The following MACROD2 variants were observed in gnomAD, a reference collection of about 807,000 sequenced individuals.
MACROD2 encodes mono-ADP ribosylhydrolase 2.
A neutral mutation model predicts 70.4 loss-of-function variants in MACROD2; 36 were observed. That is an observed-to-expected ratio of 0.51 (90% CI 0.39 to 0.68). The LOEUF (loss-of-function observed/expected upper bound fraction) is 0.68, where lower values mean the gene tolerates loss of function less well. Ranked by LOEUF, MACROD2 falls within the 30% of genes least tolerant of loss-of-function variation. MACROD2 has a pLI of 0.00. For missense variants in MACROD2, 496 were observed against 538.4 expected, an observed-to-expected ratio of 0.92 and a Z score of 0.78; for synonymous variants, 172 against 178.8, an observed-to-expected ratio of 0.96 and a Z score of 0.30.
rs1300059378 is a variant in MACROD2, at chr20:14,334,930, G to A, written c.272-158549G>A. Among the ~76,000 whole-genome samples the A allele has an allele frequency of 2.0e-5, 3 of 151,992 alleles. No individual in the cohort carries two copies. In the East Asian group the frequency reaches 5.8e-4, roughly 29 times the overall value. ...TATAGCCCACCCACCTTAAAAAGAG[G>A]CATAGAAGTTAAGAAATGACTGAAA... On this transcript the variant is annotated intron_variant, in intron 3 of 17. Transcript: ENST00000684519.
intron 4 of MACROD2, among the ~76,000 whole-genome samples, chr20:14,588,686 A>C (rs1452495119): frequency 6.6e-6 from 1 of 151,396 alleles, no homozygotes; most frequent in Non-Finnish European, 1.5e-5. Context: ...CTTGTCTTGA[A>C]CTCATGACCT....
intron 8 of MACROD2, among the ~76,000 whole-genome samples, chr20:15,675,362 G>A (rs201214): frequency 0.11 from 16,327 of 152,106 alleles, 2,105 homozygotes; most frequent in African/African-American, 0.32. Flanking sequence ...TCCCTACATT[G>A]CTGACAGCCT....
At chr20:14,567,640 T>A (rs1376374239) in intron 4 of MACROD2, among the ~76,000 whole-genome samples, 1 of 152,060 alleles carries the variant, frequency 6.6e-6, no homozygotes, top group Non-Finnish European at 1.5e-5. Context: ...ATTTTGATGG[T>A]TGGCTCCTCC....
intron 6 of MACROD2, among the ~76,000 whole-genome samples, chr20:15,256,773 C>T (rs986113343): frequency 6.6e-6 from 1 of 151,930 alleles, no homozygotes; most frequent in African/African-American, 2.4e-5. Context: ...ATATGGTATA[C>T]TTGGATTTAT....
At chr20:14,178,509 C>T (rs1016607035) in intron 3 of MACROD2, among the ~76,000 whole-genome samples, 1 of 152,022 alleles carries the variant, frequency 6.6e-6, no homozygotes, top group African/African-American at 2.4e-5. Flanking sequence ...GTGTTCTGCT[C>T]ATTTGTGAGA....
chr20:15,923,221 A>G (rs1421312475), intron 10 of MACROD2, among the ~76,000 whole-genome samples: 1 of 152,200 alleles, frequency 6.6e-6, no homozygotes, highest in Non-Finnish European at 1.5e-5. Context: ...AAAAGGTTTA[A>G]TTTGACTTAC....
intron 8 of MACROD2, among the ~76,000 whole-genome samples, chr20:15,703,522 A>G (rs1888745072): frequency 6.6e-6 from 1 of 152,162 alleles, no homozygotes; most frequent in African/African-American, 2.4e-5. Context: ...CTTCCAAATA[A>G]ACTTTATTGA....
Position 14,336,929 on chromosome 20 carries a change from G to A in MACROD2, c.272-156550G>A, listed in dbSNP as rs193297612. 3.0e-3 allele frequency among the ~76,000 whole-genome samples: 459 copies of A among 152,262 alleles called. 2 individuals carry two copies. Among genetic ancestry groups the A allele is most frequent in the African/African-American group, 0.01 (427 of 41,566 alleles). On this transcript the variant is annotated intron_variant, in intron 3 of 17. Coordinates refer to ENST00000684519, the MANE Select transcript of MACROD2 (RefSeq NM_001351661.2). ...GCACATAAGTCTCCAGGAGTAGCTC[G>A]GCTAGCTGTGAGCAAGATGTATGCT...
At chr20:14,587,068 A>G (rs1463030000) in intron 4 of MACROD2, among the ~76,000 whole-genome samples, 2 of 151,958 alleles carry the variant, frequency 1.3e-5, no homozygotes, top group African/African-American at 2.4e-5. Flanking sequence ...ATTATTCACT[A>G]ACAACACAGG....
chr20:14,844,970 C>T (rs1446530384), intron 5 of MACROD2, among the ~76,000 whole-genome samples: 1 of 152,018 alleles, frequency 6.6e-6, no homozygotes, highest in African/African-American at 2.4e-5. Context: ...TGCCTTTGTC[C>T]ATGGCCTTAA....
intron 7 of MACROD2, among the ~76,000 whole-genome samples, chr20:15,440,957 T>C (rs1460277785): frequency 6.6e-6 from 1 of 152,206 alleles, no homozygotes; most frequent in Non-Finnish European, 1.5e-5. Context: ...AGAAATGTTA[T>C]CATTCTTGGC....
intron 5 of MACROD2, among the ~76,000 whole-genome samples, chr20:15,006,683 G>A (rs1434410193): frequency 1.3e-5 from 2 of 152,092 alleles, no homozygotes; most frequent in Admixed American, 1.3e-4. Context: ...AAACAAAACT[G>A]TAAGATAAAT....
chr20:15,242,164 G>T (rs551774291), intron 6 of MACROD2, among the ~76,000 whole-genome samples: 3 of 152,110 alleles, frequency 2.0e-5, no homozygotes, highest in Non-Finnish European at 4.4e-5. Context: ...TCTTGCCATA[G>T]CCACAGTCCA....
At chr20:15,767,167 T>C (rs2051541798) in intron 8 of MACROD2, among the ~76,000 whole-genome samples, 1 of 152,246 alleles carries the variant, frequency 6.6e-6, no homozygotes, top group Non-Finnish European at 1.5e-5. Flanking sequence ...GTACATAATT[T>C]CCCTACACAA....
chr20:14,456,016 A>T (rs1244095355), intron 3 of MACROD2, among the ~76,000 whole-genome samples: 2 of 151,862 alleles, frequency 1.3e-5, no homozygotes, highest in Non-Finnish European at 2.9e-5. Flanking sequence ...ACAAATTTGC[A>T]GTGATTCTAT....
chr20:14,647,697 C>T (rs1985468816), intron 4 of MACROD2, among the ~76,000 whole-genome samples: 1 of 152,090 alleles, frequency 6.6e-6, no homozygotes, highest in Admixed American at 6.6e-5. Flanking sequence ...TGATGACAAA[C>T]ATCCTCTTTA....
At chr20:15,121,513 C>CAAAAAAAAAAA (rs5840653) in intron 5 of MACROD2, among the ~76,000 whole-genome samples, 1 of 122,054 alleles carries the variant, frequency 8.2e-6, no homozygotes, top group African/African-American at 3.2e-5. Flanking sequence ...AACTCTGCCT[C>CAAAAAAAAAAA]AAAAAAAAAA....
intron 8 of MACROD2, among the ~76,000 whole-genome samples, chr20:15,777,400 T>C (rs2051739455): frequency 6.6e-6 from 1 of 151,882 alleles, no homozygotes; most frequent in South Asian, 2.1e-4. Context: ...CTAGTCCAAC[T>C]GTCCTATTTT....
intron 5 of MACROD2, among the ~76,000 whole-genome samples, chr20:15,208,842 C>T (rs1353781333): frequency 2.0e-5 from 3 of 152,174 alleles, no homozygotes; most frequent in African/African-American, 7.2e-5. Context: ...ATGTGGTCTG[C>T]TCTGACATTA....
Sources: gnomAD v4.1 joint callset for allele counts (sites outside exome capture counted in the v4.1 genomes callset) on GRCh38, gnomAD v4.1.1 for gene constraint, MANE v1.5 for transcripts, NCBI Gene and HGNC (gene_info 2026-07-23, HGNC 2026-07-21) for gene names.